KAZN: variants seen among roughly 807,000 people sequenced by gnomAD.
KAZN encodes the protein kazrin, periplakin interacting protein, also known as kazrin.
KAZN carries 40 observed loss-of-function variants against 87.4 expected under a neutral mutation model. That is an observed-to-expected ratio of 0.46 (90% CI 0.36 to 0.60). The LOEUF (loss-of-function observed/expected upper bound fraction) is 0.60. KAZN is among the 20% of genes least tolerant of loss of function. The pLI is 0.00. For missense variants in KAZN, 898 were observed against 1,073.9 expected (o/e 0.84, Z 2.29); for synonymous variants, 466 against 458.3 (o/e 1.02, Z -0.22).
chr1:14,748,117 C>G (rs143721017), intron 1 of KAZN, among the ~76,000 whole-genome samples: 1 of 152,346 alleles, frequency 6.6e-6, no homozygotes, highest in African/African-American at 2.4e-5. Flanking sequence ...TTGGCTATCT[C>G]TTTCCTGTGA....
intron 1 of KAZN, among the ~76,000 whole-genome samples, chr1:14,758,559 C>T (rs2100532019): frequency 6.6e-6 from 1 of 152,198 alleles, no homozygotes; most frequent in African/African-American, 2.4e-5. Flanking sequence ...GCAATCCTCC[C>T]ACCTTGGCCC....
At chr1:14,938,391 A>T (rs1352596685) in intron 1 of KAZN, among the ~76,000 whole-genome samples, 1 of 152,168 alleles carries the variant, frequency 6.6e-6, no homozygotes, top group Non-Finnish European at 1.5e-5. Flanking sequence ...AAAATACAAA[A>T]ATTAGCCAGG....
chr1:15,002,345 C>G (rs1668573946), intron 2 of KAZN, among the ~76,000 whole-genome samples: 1 of 152,228 alleles, frequency 6.6e-6, no homozygotes, highest in African/African-American at 2.4e-5. Context: ...GGGGTACAGC[C>G]TGCTGACGCT....
At chr1:14,706,166 A>G (rs1345053607) in intron 1 of KAZN, among the ~76,000 whole-genome samples, 1 of 152,098 alleles carries the variant, frequency 6.6e-6, no homozygotes, top group Non-Finnish European at 1.5e-5. Context: ...ACTGATTCCC[A>G]TCACCCTCAG....
rs141799837 is a variant in KAZN at position 14,419,307 on chromosome 1, C to T, written c.250-179676C>T. Among the ~76,000 whole-genome samples, 256 of 152,234 alleles carry T rather than the reference C, an allele frequency of 1.7e-3. 2 individuals carry two copies. Among genetic ancestry groups the T allele is most frequent in the African/African-American group, 5.6e-3 (231 of 41,534 alleles). Reference sequence around the variant, plus strand: ...CATAAAGCGCAAAAGAAAGAAAGGCCGGGTCTGACCCCTATTCTGTCTGAC... The same window carrying T: ...CATAAAGCGCAAAAGAAAGAAAGGCTGGGTCTGACCCCTATTCTGTCTGAC... On this transcript the variant is annotated intron_variant, in intron 2 of 16. Coordinates refer to the KAZN transcript ENST00000636203.
At chr1:14,967,372 T>A (rs966149991) in intron 2 of KAZN, among the ~76,000 whole-genome samples, 4 of 152,172 alleles carry the variant, frequency 2.6e-5, no homozygotes, top group Non-Finnish European at 5.9e-5. Context: ...TCCGCCTGCT[T>A]CAGGTTCAGT....
chr1:14,312,323 TAAC>T (rs1431332634), intron 2 of KAZN, among the ~76,000 whole-genome samples: 1 of 152,184 alleles, frequency 6.6e-6, no homozygotes, highest in African/African-American at 2.4e-5. Flanking sequence ...ATAACAATAA[TAAC>T]AATTAAAGCT....
chr1:14,212,841 G>A (rs988455561), intron 2 of KAZN, among the ~76,000 whole-genome samples: 7 of 152,224 alleles, frequency 4.6e-5, no homozygotes, highest in South Asian at 2.1e-4. Flanking sequence ...TAGCCAATTC[G>A]AAGGCCTAAA....
chr1:14,767,635 GT>G (rs1644919372), intron 1 of KAZN, among the ~76,000 whole-genome samples: 1 of 152,236 alleles, frequency 6.6e-6, no homozygotes, highest in Non-Finnish European at 1.5e-5. Context: ...GCTTGGAAGA[GT>G]TTCTTCGAGC....
chr1:14,807,570 A>G (rs1391665309), intron 1 of KAZN, among the ~76,000 whole-genome samples: 2 of 152,054 alleles, frequency 1.3e-5, no homozygotes, highest in African/African-American at 4.8e-5. Flanking sequence ...GGAATTTGAG[A>G]CTGGCCTGGG....
chr1:15,108,460 GT>G (rs1641374732), intron 13 of KAZN, among the ~76,000 whole-genome samples: 2 of 152,222 alleles, frequency 1.3e-5, no homozygotes, highest in African/African-American at 4.8e-5. Flanking sequence ...CTGAGCCACG[GT>G]TTTTTCAGCT....
chr1:13,893,646 C>A (rs1289692003), exon 1 of KAZN: 4 of 1,550,154 alleles, frequency 2.6e-6, no homozygotes, highest in South Asian at 2.4e-5. Flanking sequence ...ATGACCAACA[C>A]CAAAGACCCC....
intron 1 of KAZN, among the ~76,000 whole-genome samples, chr1:14,706,752 A>G (rs1642232411): frequency 6.6e-6 from 1 of 152,220 alleles, no homozygotes; most frequent in Non-Finnish European, 1.5e-5. Flanking sequence ...CAGTTTCTCC[A>G]CACCTTTTAG....
At chr1:13,957,729 A>T (rs1641597617) in intron 1 of KAZN, among the ~76,000 whole-genome samples, 1 of 152,082 alleles carries the variant, frequency 6.6e-6, no homozygotes, top group African/African-American at 2.4e-5. Flanking sequence ...CTCTCACTGG[A>T]ACCAGTGAGT....
At chr1:14,203,870 G>A (rs774688709) in intron 2 of KAZN, among the ~76,000 whole-genome samples, 12 of 152,176 alleles carry the variant, frequency 7.9e-5, no homozygotes, top group Non-Finnish European at 7.3e-5. Flanking sequence ...AGGAGCAAAC[G>A]TGGTTGCAGC....
intron 1 of KAZN, among the ~76,000 whole-genome samples, chr1:14,062,467 G>A (rs1000910116): frequency 2.0e-5 from 3 of 152,006 alleles, no homozygotes; most frequent in Non-Finnish European, 4.4e-5. Flanking sequence ...GATGGATGAC[G>A]GTAAAACTTT....
At chr1:14,231,014 T>C (rs1010085015) in intron 2 of KAZN, among the ~76,000 whole-genome samples, 2 of 152,170 alleles carry the variant, frequency 1.3e-5, no homozygotes, top group African/African-American at 4.8e-5. Context: ...TTCCTTGCTG[T>C]GAATCAATGA....
At chr1:13,973,707 A>G (rs1473968410) in intron 1 of KAZN, among the ~76,000 whole-genome samples, 1 of 152,202 alleles carries the variant, frequency 6.6e-6, no homozygotes, top group African/African-American at 2.4e-5. Context: ...CCAGTTTGAC[A>G]GTGTCGTGCA....
chr1:14,740,061 G>A (rs1450702942), intron 1 of KAZN, among the ~76,000 whole-genome samples: 1 of 152,118 alleles, frequency 6.6e-6, no homozygotes, highest in African/African-American at 2.4e-5. Flanking sequence ...CAGTCAACAA[G>A]GGACCATCTG....
Sources: gnomAD v4.1 joint callset for allele counts (sites outside exome capture counted in the v4.1 genomes callset) on GRCh38, gnomAD v4.1.1 for gene constraint, MANE v1.5 for transcripts, NCBI Gene and HGNC (gene_info 2026-07-23, HGNC 2026-07-21) for gene names.